The following GPC5 variants were observed in gnomAD, a reference collection of about 807,000 sequenced individuals.
GPC5 encodes glypican 5.
A neutral mutation model predicts 53.9 loss-of-function variants in GPC5; 47 were observed. The observed-to-expected ratio is 0.87, with a 90% CI of 0.69 to 1.11. The LOEUF is 1.11. GPC5 is among the 50% of genes most tolerant of loss of function. The pLI, the probability that GPC5 is intolerant of heterozygous loss-of-function variation, is 0.00. For missense variants in GPC5, 748 were observed against 713.1 expected, an observed-to-expected ratio of 1.05 and a Z score of -0.56; for synonymous variants, 286 against 263.3, an observed-to-expected ratio of 1.09 and a Z score of -0.84.
At chr13:92,783,137 T>C (rs1029465127) in intron 7 of GPC5, among the ~76,000 whole-genome samples, 1 of 152,244 alleles carries the variant, frequency 6.6e-6, no homozygotes, top group African/African-American at 2.4e-5. Context: ...GTCTTCCTTC[T>C]GCACTGATTG....
intron 7 of GPC5, among the ~76,000 whole-genome samples, chr13:92,547,431 T>C (rs1882157985): frequency 6.6e-6 from 1 of 152,210 alleles, no homozygotes. Flanking sequence ...ACCTGTTTAT[T>C]TTCAGCTGAC....
At chr13:92,073,096 G>A (rs1190387431) in intron 6 of GPC5, among the ~76,000 whole-genome samples, 2 of 152,058 alleles carry the variant, frequency 1.3e-5, no homozygotes, top group Non-Finnish European at 2.9e-5. Context: ...AACTGCTCTA[G>A]ATTTTTAAAA....
chr13:92,181,131 C>T (rs2042144132), intron 7 of GPC5, among the ~76,000 whole-genome samples: 1 of 152,090 alleles, frequency 6.6e-6, no homozygotes, highest in East Asian at 1.9e-4. Flanking sequence ...CTATAGCCAG[C>T]CTGGTTGTGG....
chr13:92,090,162 A>G (rs576955465), intron 6 of GPC5, among the ~76,000 whole-genome samples: 1 of 152,320 alleles, frequency 6.6e-6, no homozygotes, highest in Non-Finnish European at 1.5e-5. Context: ...TACTTTCTGC[A>G]GAAATTCAGT....
intron 7 of GPC5, among the ~76,000 whole-genome samples, chr13:92,572,715 A>G (rs1300087052): frequency 6.6e-6 from 1 of 152,142 alleles, no homozygotes; most frequent in Non-Finnish European, 1.5e-5. Context: ...CTTCCTCAAT[A>G]TATTATCTCA....
intron 2 of GPC5, among the ~76,000 whole-genome samples, chr13:91,667,861 A>G (rs79233957): frequency 0.026 from 3,943 of 152,222 alleles, 165 homozygotes; most frequent in African/African-American, 0.091. Flanking sequence ...GAACTAGGCA[A>G]TCTCATCTCC....
chr13:92,800,431 G>A (rs1444904706), intron 7 of GPC5, among the ~76,000 whole-genome samples: 1 of 151,846 alleles, frequency 6.6e-6, no homozygotes, highest in Admixed American at 6.6e-5. Context: ...GTGAGATGAA[G>A]CATGTCCCAG....
At chr13:92,333,510 T>C (rs1049621764) in intron 7 of GPC5, among the ~76,000 whole-genome samples, 8 of 152,032 alleles carry the variant, frequency 5.3e-5, no homozygotes, top group African/African-American at 1.9e-4. Flanking sequence ...CCTACTCTAG[T>C]CTTCCTTTTC....
chr13:92,034,175 A>T (rs553473122), intron 6 of GPC5, among the ~76,000 whole-genome samples: 2 of 152,204 alleles, frequency 1.3e-5, no homozygotes, highest in East Asian at 1.9e-4. Flanking sequence ...TGGCAAACTA[A>T]ATTATTTATG....
intron 7 of GPC5, among the ~76,000 whole-genome samples, chr13:92,398,385 C>G: frequency 7.2e-6 from 1 of 139,144 alleles, no homozygotes; most frequent in East Asian, 2.3e-4. Flanking sequence ...GCCGAGATCC[C>G]GCCACTGCAC....
chr13:91,575,256 T>C (rs2032089613), intron 2 of GPC5, among the ~76,000 whole-genome samples: 1 of 152,162 alleles, frequency 6.6e-6, no homozygotes, highest in Admixed American at 6.6e-5. Flanking sequence ...TTTTCTTTCT[T>C]GGAACAAAGT....
At chr13:91,405,864 T>G (rs1005723775) in intron 1 of GPC5, among the ~76,000 whole-genome samples, 1 of 152,130 alleles carries the variant, frequency 6.6e-6, no homozygotes, top group Non-Finnish European at 1.5e-5. Context: ...TTGACCTCCC[T>G]AGGTTCAGGT....
At chr13:91,663,713 A>C (rs60635585) in intron 2 of GPC5, among the ~76,000 whole-genome samples, 36,990 of 151,988 alleles carry the variant, frequency 0.24, 6,098 homozygotes, top group African/African-American at 0.46. Context: ...GTCTTCCCAC[A>C]TCAGCCTCCT....
intron 6 of GPC5, among the ~76,000 whole-genome samples, chr13:92,001,852 A>G (rs1203056153): frequency 6.6e-6 from 1 of 152,204 alleles, no homozygotes; most frequent in Non-Finnish European, 1.5e-5. Context: ...ATTGGAAGGC[A>G]TATTAAACTA....
chr13:92,737,766 C>CTTTTTTTTTTTTTTTTTTTTTCTT (rs33914729), intron 7 of GPC5, among the ~76,000 whole-genome samples: 1 of 102,134 alleles, frequency 9.8e-6, no homozygotes, highest in Non-Finnish European at 1.8e-5. Context: ...TTTTCTTTTT[C>CTTTTTTTTTTTTTTTTTTTTTCTT]TTTTTTTTTT....
chr13:92,287,048 A>C (rs796379933), intron 7 of GPC5, among the ~76,000 whole-genome samples: 83 of 152,320 alleles, frequency 5.4e-4, no homozygotes, highest in African/African-American at 2.0e-3. Context: ...CCAGATCTAC[A>C]GAGAAGATAA....
intron 7 of GPC5, among the ~76,000 whole-genome samples, chr13:92,366,652 A>T (rs1047799228): frequency 6.8e-6 from 1 of 148,148 alleles, no homozygotes; most frequent in Non-Finnish European, 1.5e-5. Context: ...GGCTAAGGCC[A>T]CGAGCATTTA....
At chr13:92,207,963 C>T (rs562691876) in intron 7 of GPC5, among the ~76,000 whole-genome samples, 1 of 152,336 alleles carries the variant, frequency 6.6e-6, no homozygotes, top group East Asian at 1.9e-4. Flanking sequence ...ACTTGTCCCC[C>T]ATGTACAGAG....
chr13:92,383,069 G>A (rs966617469), intron 7 of GPC5, among the ~76,000 whole-genome samples: 3 of 150,294 alleles, frequency 2.0e-5, no homozygotes, highest in Admixed American at 1.3e-4. Flanking sequence ...TTGCAAGATA[G>A]CAGACAAAAG....
Sources: gnomAD v4.1 joint callset for allele counts (sites outside exome capture counted in the v4.1 genomes callset) on GRCh38, gnomAD v4.1.1 for gene constraint, MANE v1.5 for transcripts, NCBI Gene and HGNC (gene_info 2026-07-23, HGNC 2026-07-21) for gene names.